RPS6KA2: variants seen among roughly 807,000 people sequenced by gnomAD.
RPS6KA2 encodes the protein ribosomal protein S6 kinase alpha-2.
In RPS6KA2, 42 loss-of-function variants were observed where a neutral mutation model predicts 91.8. That is an observed-to-expected ratio of 0.46 (90% CI 0.36 to 0.59). The LOEUF (loss-of-function observed/expected upper bound fraction) is 0.59, where lower values mean the gene tolerates loss of function less well. RPS6KA2 is among the 20% of genes least tolerant of loss of function. The pLI is 0.00. For missense variants in RPS6KA2, 798 were observed against 978.5 expected, an observed-to-expected ratio of 0.82 and a Z score of 2.46; for synonymous variants, 414 against 393.6, an observed-to-expected ratio of 1.05 and a Z score of -0.61.
intron 2 of RPS6KA2, among the ~76,000 whole-genome samples, chr6:166,722,229 T>A (rs1790196709): frequency 6.6e-6 from 1 of 152,148 alleles, no homozygotes; most frequent in African/African-American, 2.4e-5. Context: ...AACCCCTGCA[T>A]GATTCTGCCC....
chr6:166,556,890 C>G (rs930812670), intron 1 of RPS6KA2, among the ~76,000 whole-genome samples: 1 of 152,342 alleles, frequency 6.6e-6, no homozygotes, highest in South Asian at 2.1e-4. Context: ...TGAACATTTT[C>G]TATTGTTTCA....
intron 19 of RPS6KA2, 35 bp from the exon 20 acceptor site, chr6:166,413,966 T>G (rs776436482): frequency 1.2e-6 from 2 of 1,604,928 alleles, no homozygotes; most frequent in East Asian, 4.5e-5. Context: ...GGGGGGATGG[T>G]TGGATCATTT....
intron 2 of RPS6KA2, among the ~76,000 whole-genome samples, chr6:166,634,352 GC>G (rs1350463208): frequency 6.6e-6 from 1 of 152,172 alleles, no homozygotes; most frequent in Non-Finnish European, 1.5e-5. Flanking sequence ...AGGAAATGGG[GC>G]CGGACGTTTC....
chr6:166,536,786 T>A (rs1300558544), intron 2 of RPS6KA2, among the ~76,000 whole-genome samples: 1 of 152,130 alleles, frequency 6.6e-6, no homozygotes, highest in Non-Finnish European at 1.5e-5. Flanking sequence ...CCCTACCTAC[T>A]ACTGTTCTTG....
Position 166,508,245 on chromosome 6 carries a change from G to A in RPS6KA2, c.417C>T (p.Asp139=), listed in dbSNP as rs1782330703. 2 of 1,613,738 alleles carry A rather than the reference G, an allele frequency of 1.2e-6. No individual in the cohort carries two copies. The highest frequency in any genetic ancestry group is 2.7e-5 in the African/African-American group (2 of 75,046). The change falls in exon 5 of 21, where the codon GAC becomes GAT. Residue 139 remains aspartate, a synonymous_variant. Coordinates refer to ENST00000265678, the MANE Select transcript of RPS6KA2 (RefSeq NM_021135.6). This position sits in a 1 kb window ranked among gnomAD's most constrained non-coding sequence, Gnocchi z 4.3. ...QTEGKLYLIL[D]FLRGGDLFTR... ...TGAAGAGGTCCCCTCCCCGCAGGAA[G>A]TCCAGGATCAGGTAGAGCTTTCCTT...
chr6:166,476,691 C>T lies in RPS6KA2; in HGVS notation c.908-6786G>A, dbSNP rs1044386261. On this transcript the variant is annotated intron_variant, in intron 10 of 20. Coordinates refer to ENST00000265678, the MANE Select transcript of RPS6KA2 (RefSeq NM_021135.6). Reference sequence around the variant, plus strand: ...GGGGGAGGCCATAGAGAGGGAGAGTCTACAGCTCGAGGGGACTCACACTAG... The same window carrying T: ...GGGGGAGGCCATAGAGAGGGAGAGTTTACAGCTCGAGGGGACTCACACTAG... 2.0e-5 allele frequency among the ~76,000 whole-genome samples: 3 copies of T among 152,068 alleles called. No individual in the cohort carries two copies. The South Asian group carries it at 6.3e-4, about 32-fold the overall frequency.
At chr6:166,706,759 G>T (rs933429204) in intron 2 of RPS6KA2, among the ~76,000 whole-genome samples, 2 of 152,148 alleles carry the variant, frequency 1.3e-5, no homozygotes, top group African/African-American at 4.8e-5. Flanking sequence ...AATATCACAC[G>T]CACAGCCTGT....
chr6:166,839,060 C>G (rs1046675917), intron 2 of RPS6KA2, among the ~76,000 whole-genome samples: 3 of 152,162 alleles, frequency 2.0e-5, no homozygotes, highest in Admixed American at 2.0e-4. Flanking sequence ...CCTCTGCCAA[C>G]TCCTCGATCT....
intron 1 of RPS6KA2, among the ~76,000 whole-genome samples, chr6:166,621,552 CAT>C (rs1028678863): frequency 6.6e-6 from 1 of 152,156 alleles, no homozygotes; most frequent in Admixed American, 6.5e-5. Context: ...TATCAGCAAA[CAT>C]AAAACGCTGA....
chr6:166,807,455 G>T (rs761868938), intron 2 of RPS6KA2, among the ~76,000 whole-genome samples: 2 of 152,100 alleles, frequency 1.3e-5, no homozygotes, highest in Non-Finnish European at 2.9e-5. Flanking sequence ...GTGGAGGGTT[G>T]CAGGTCTCCC....
Position 166,825,852 on chromosome 6 carries a change from G to A in RPS6KA2, c.123+32348C>T, listed in dbSNP as rs1233244829. Among the ~76,000 whole-genome samples the A allele has an allele frequency of 6.6e-6, 1 of 152,168 alleles. No individual in the cohort carries two copies. The highest frequency in any genetic ancestry group is 1.5e-5 in the Non-Finnish European group (1 of 68,038). ...GGATTTCAACACGAATTCTGGGAGA[G>A]ACACAAGCATTCAGACCACAGCACA... On this transcript the variant is annotated intron_variant, in intron 2 of 21. Transcript: ENST00000503859. This position sits in a 1 kb window ranked among gnomAD's most constrained non-coding sequence, Gnocchi z 4.1.
chr6:166,606,883 G>A (rs1483911903), intron 1 of RPS6KA2, among the ~76,000 whole-genome samples: 2 of 152,188 alleles, frequency 1.3e-5, no homozygotes, highest in Non-Finnish European at 2.9e-5. Flanking sequence ...GCTCACGCCT[G>A]TAATCCCAGT....
At chr6:166,759,124 G>A (rs558252759) in intron 2 of RPS6KA2, among the ~76,000 whole-genome samples, 1 of 152,232 alleles carries the variant, frequency 6.6e-6, no homozygotes, top group East Asian at 1.9e-4. Context: ...CGTCTACACA[G>A]ATACATACAT....
At chr6:166,678,298 G>T (rs1788674166) in intron 2 of RPS6KA2, among the ~76,000 whole-genome samples, 1 of 152,084 alleles carries the variant, frequency 6.6e-6, no homozygotes, top group Admixed American at 6.6e-5. Flanking sequence ...GCTTATCCTG[G>T]CTCAGAACAT....
At chr6:166,786,699 GCTT>G (rs1778938857) in intron 2 of RPS6KA2, among the ~76,000 whole-genome samples, 1 of 152,048 alleles carries the variant, frequency 6.6e-6, no homozygotes, top group Non-Finnish European at 1.5e-5. Context: ...GGAAAAAAAT[GCTT>G]AAAAAAATCA....
chr6:166,683,924 TC>T (rs1788921006), intron 2 of RPS6KA2, among the ~76,000 whole-genome samples: 3 of 152,220 alleles, frequency 2.0e-5, no homozygotes, highest in Admixed American at 2.0e-4. Flanking sequence ...CCACGGCACC[TC>T]CCCTTCCCTT....
chr6:166,498,795 A>G (rs1781896254), intron 7 of RPS6KA2, 145 bp from the exon 8 acceptor site: 2 of 1,062,014 alleles, frequency 1.9e-6, no homozygotes, highest in Admixed American at 5.1e-5. Flanking sequence ...AAGCGGGACC[A>G]TGTGAGTGCT....
intron 3 of RPS6KA2, among the ~76,000 whole-genome samples, chr6:166,526,984 T>A (rs908774909): frequency 3.0e-4 from 45 of 152,248 alleles, no homozygotes; most frequent in Non-Finnish European, 2.9e-5. Flanking sequence ...CACATAACCA[T>A]GGATCAGGAG....
chr6:166,476,129 A>G (rs1780964709), intron 10 of RPS6KA2, among the ~76,000 whole-genome samples: 1 of 152,188 alleles, frequency 6.6e-6, no homozygotes, highest in African/African-American at 2.4e-5. Context: ...ATTTGGACAC[A>G]GACCCACACG....
Sources: gnomAD v4.1 joint callset for allele counts (sites outside exome capture counted in the v4.1 genomes callset) on GRCh38, gnomAD v4.1.1 for gene constraint, Gnocchi (gnomAD v3.1) non-coding constraint, MANE v1.5 for transcripts, NCBI Gene and HGNC (gene_info 2026-07-23, HGNC 2026-07-21) for gene names.